The following HYCC1 variants were observed in gnomAD, a reference collection of about 807,000 sequenced individuals.
The protein encoded by HYCC1 is hyccin PI4KA lipid kinase complex subunit 1, also known as hyccin.
the HYCC1 span, chr7:22,983,769 T>C: frequency 1.7e-6 from 1 of 575,518 alleles, no homozygotes; most frequent in South Asian, 2.1e-5. Flanking sequence ...AGATGGCTTC[T>C]GGAATACGGT....
At chr7:23,012,975 C>T in the HYCC1 span, among the ~76,000 whole-genome samples, 2 of 152,206 alleles carry the variant, frequency 1.3e-5, no homozygotes, top group South Asian at 4.1e-4. Flanking sequence ...GCCGGTGGAA[C>T]AAATTCCCCC....
chr7:22,930,354 A>G, the HYCC1 span, among the ~76,000 whole-genome samples: 10 of 151,082 alleles, frequency 6.6e-5, no homozygotes, highest in Non-Finnish European at 1.5e-4. Flanking sequence ...AATTAAAAAA[A>G]AAAAAGAATT....
the HYCC1 span, among the ~76,000 whole-genome samples, chr7:22,992,249 T>A: frequency 6.6e-6 from 1 of 152,090 alleles, no homozygotes; most frequent in East Asian, 1.9e-4. Flanking sequence ...TCCTGCTGTC[T>A]AATTCTCATA....
the HYCC1 span, chr7:22,947,040 T>G: frequency 6.5e-7 from 1 of 1,550,320 alleles, no homozygotes; most frequent in Non-Finnish European, 8.7e-7. Context: ...TACAGATTTT[T>G]GCCTCCTGAT....
chr7:22,926,528 C>T, the HYCC1 span, among the ~76,000 whole-genome samples: 1 of 152,118 alleles, frequency 6.6e-6, no homozygotes, highest in South Asian at 2.1e-4. Context: ...GCAGGGGTTC[C>T]AATCCTAGTC....
chr7:22,991,555 A>G, the HYCC1 span, among the ~76,000 whole-genome samples: 7 of 152,264 alleles, frequency 4.6e-5, no homozygotes, highest in African/African-American at 1.7e-4. Context: ...TAATTTGCTT[A>G]TATTTCAGTT....
chr7:23,013,688 G>A, the HYCC1 span, among the ~76,000 whole-genome samples: 2 of 40 alleles, frequency 0.05, no homozygotes, highest in African/African-American at 0.083. Flanking sequence ...ACTTCGGGGC[G>A]AGCAGCGCCG....
the HYCC1 span, among the ~76,000 whole-genome samples, chr7:22,981,535 T>C: frequency 6.6e-6 from 1 of 152,222 alleles, no homozygotes; most frequent in Non-Finnish European, 1.5e-5. Flanking sequence ...GAGTGGTTTT[T>C]TTAAGAATAC....
the HYCC1 span, among the ~76,000 whole-genome samples, chr7:22,958,246 A>G: frequency 6.6e-6 from 1 of 152,028 alleles, no homozygotes; most frequent in South Asian, 2.1e-4. Flanking sequence ...AGCCAAGACT[A>G]CCCTAAAAAG....
the HYCC1 span, among the ~76,000 whole-genome samples, chr7:23,002,160 A>ATATACAAT: frequency 5.9e-5 from 4 of 68,192 alleles, no homozygotes; most frequent in South Asian, 4.5e-4. Context: ...ATATATATAT[A>ATATACAAT]TATATATATA....
At chr7:22,946,965 T>C in the HYCC1 span, 3 of 1,547,976 alleles carry the variant, frequency 1.9e-6, no homozygotes, top group African/African-American at 2.7e-5. Flanking sequence ...GGAGTGCAGT[T>C]ATAAAGTGCT....
At chr7:23,002,160 A>AGTTG in the HYCC1 span, among the ~76,000 whole-genome samples, 1 of 68,192 alleles carries the variant, frequency 1.5e-5, no homozygotes. Flanking sequence ...ATATATATAT[A>AGTTG]TATATATATA....
At chr7:22,924,014 A>C in the HYCC1 span, among the ~76,000 whole-genome samples, 273 of 133,996 alleles carry the variant, frequency 2.0e-3, 5 homozygotes, top group Non-Finnish European at 2.5e-3. Context: ...AAAAAAAAAA[A>C]CCCAAAAAAA....
At chr7:22,952,822 G>C in the HYCC1 span, among the ~76,000 whole-genome samples, 1 of 151,774 alleles carries the variant, frequency 6.6e-6, no homozygotes, top group Admixed American at 6.6e-5. Flanking sequence ...ACACAGGATG[G>C]GACCCTGCAG....
chr7:23,012,526 C>G, the HYCC1 span, among the ~76,000 whole-genome samples: 1 of 152,100 alleles, frequency 6.6e-6, no homozygotes, highest in Non-Finnish European at 1.5e-5. Context: ...TGCTTTTCCC[C>G]CTTGCCACTT....
the HYCC1 span, among the ~76,000 whole-genome samples, chr7:22,926,119 G>C: frequency 3.3e-5 from 5 of 152,276 alleles, no homozygotes; most frequent in East Asian, 9.7e-4. Context: ...ATACTTTACA[G>C]ACAAGCAAAT....
At chr7:22,980,837 T>C in the HYCC1 span, among the ~76,000 whole-genome samples, 1 of 152,302 alleles carries the variant, frequency 6.6e-6, no homozygotes, top group African/African-American at 2.4e-5. Flanking sequence ...CAGACTTAAG[T>C]AGTATCAACC....
At chr7:22,929,407 C>T in the HYCC1 span, among the ~76,000 whole-genome samples, 6 of 152,096 alleles carry the variant, frequency 3.9e-5, no homozygotes, top group African/African-American at 1.4e-4. Flanking sequence ...AACAGGCAAC[C>T]TACAAAATGG....
the HYCC1 span, among the ~76,000 whole-genome samples, chr7:22,930,204 A>T: frequency 1.3e-4 from 5 of 39,292 alleles, 1 homozygote; most frequent in Non-Finnish European, 1.8e-4. Context: ...GGGTGGGGGG[A>T]GGGGGGAGGG....
Sources: allele counts gnomAD v4.1 joint callset (sites outside exome capture counted in the v4.1 genomes callset), GRCh38; gene constraint gnomAD v4.1.1; transcripts MANE v1.5; gene names NCBI Gene and HGNC (gene_info 2026-07-23, HGNC 2026-07-21).